PHACTR3: variants seen among roughly 807,000 people sequenced by gnomAD.
PHACTR3 encodes protein phosphatase 1, regulatory subunit 123.
In PHACTR3, 16 loss-of-function variants were observed where a neutral mutation model predicts 66.8. The ratio of observed to expected loss-of-function variants is 0.24; its 90% CI spans 0.16 to 0.36. The LOEUF is 0.36. Among genes scored for constraint, PHACTR3 ranks in the 10% least tolerant of loss-of-function variants. PHACTR3 has a pLI of 1.00. For missense variants in PHACTR3, 647 were observed against 719.9 expected (o/e 0.90, Z 1.16); for synonymous variants, 323 against 292.1 (o/e 1.11, Z -1.08).
chr20:59,694,650 T>C (rs1344398684), intron 1 of PHACTR3, among the ~76,000 whole-genome samples: 3 of 152,176 alleles, frequency 2.0e-5, no homozygotes, highest in African/African-American at 4.8e-5. Context: ...CTGAACCTCA[T>C]TGACTGCATC....
intron 7 of PHACTR3, among the ~76,000 whole-genome samples, chr20:59,777,568 A>G (rs890221526): frequency 6.6e-6 from 1 of 152,108 alleles, no homozygotes; most frequent in African/African-American, 2.4e-5. Flanking sequence ...TTGTCAGACG[A>G]AGGCCCTCAT....
chr20:59,604,200 C>T (rs1470351614), upstream of PHACTR3, among the ~76,000 whole-genome samples: 1 of 152,130 alleles, frequency 6.6e-6, no homozygotes, highest in Non-Finnish European at 1.5e-5. Context: ...GCGTCGGGAC[C>T]CACTGGCCTC....
intron 7 of PHACTR3, among the ~76,000 whole-genome samples, chr20:59,775,241 C>T (rs1054002842): frequency 2.0e-5 from 3 of 152,088 alleles, no homozygotes; most frequent in African/African-American, 7.2e-5. Flanking sequence ...CTGTGCGGGG[C>T]CCTCTGATTA....
intron 1 of PHACTR3, chr20:59,628,097 C>G (rs1014696118): frequency 6.6e-6 from 1 of 152,220 alleles, no homozygotes; most frequent in Non-Finnish European, 1.5e-5. Context: ...AACTCACCAA[C>G]CTCTTAAGGC....
chr20:59,804,970 A>T (rs1284147335), intron 7 of PHACTR3, among the ~76,000 whole-genome samples: 1 of 152,178 alleles, frequency 6.6e-6, no homozygotes, highest in Admixed American at 6.5e-5. Context: ...CAGGAATTAA[A>T]TCCCGGCCCA....
intron 1 of PHACTR3, chr20:59,676,633 G>A: frequency 2.1e-6 from 2 of 938,682 alleles, no homozygotes; most frequent in Non-Finnish European, 2.5e-6. Context: ...GAGAGTGCCA[G>A]GGCTGTGAGG....
intron 1 of PHACTR3, among the ~76,000 whole-genome samples, chr20:59,706,012 A>G (rs1183863215): frequency 6.6e-6 from 1 of 152,222 alleles, no homozygotes; most frequent in African/African-American, 2.4e-5. Context: ...ACCACCTTCC[A>G]AAGCACCAAT....
intron 8 of PHACTR3, among the ~76,000 whole-genome samples, chr20:59,815,118 T>C (rs1212026920): frequency 1.3e-5 from 2 of 152,160 alleles, no homozygotes; most frequent in African/African-American, 4.8e-5. Flanking sequence ...TTCTTGTTAA[T>C]GAACAGTCTT....
intron 1 of PHACTR3, among the ~76,000 whole-genome samples, chr20:59,597,122 C>G (rs565216759): frequency 7.2e-5 from 11 of 152,302 alleles, no homozygotes; most frequent in African/African-American, 2.2e-4. Context: ...TGAGCTGGAG[C>G]TGGTATTATG....
At chr20:59,667,556 T>G (rs2036035576) in intron 1 of PHACTR3, among the ~76,000 whole-genome samples, 1 of 152,268 alleles carries the variant, frequency 6.6e-6, no homozygotes, top group Admixed American at 6.5e-5. Context: ...CCTCGCCATG[T>G]AAATTCAGCT....
chr20:59,581,989 A>AC (rs1350528813), intron 1 of PHACTR3, among the ~76,000 whole-genome samples: 2 of 152,218 alleles, frequency 1.3e-5, no homozygotes, highest in Non-Finnish European at 2.9e-5. Flanking sequence ...CTGGAAAAAA[A>AC]ATTACTCACT....
In PHACTR3 at chr20:59,747,848, C is replaced by T. The variant is rs200299798; in HGVS notation, c.358+13C>T. On this transcript the variant is annotated intron_variant, in intron 3 of 12. Transcript: ENST00000371015. ...ATGATGGAGCAGGGTAAGTGGGACC[C>T]GTCCCTGGCTTGGAAGGGCACGGTG... The T allele has an allele frequency of 5.1e-5, 83 of 1,612,690 alleles. 1 individual carries two copies. Among genetic ancestry groups the T allele is most frequent in the South Asian group, 2.9e-4 (26 of 90,992 alleles).
intron 8 of PHACTR3, among the ~76,000 whole-genome samples, chr20:59,827,386 C>T (rs1354894367): frequency 1.3e-5 from 2 of 152,182 alleles, no homozygotes; most frequent in Non-Finnish European, 2.9e-5. Flanking sequence ...GGGGCACTAA[C>T]CCAACCCTGG....
chr20:59,781,378 C>A (rs1368418640), intron 7 of PHACTR3, among the ~76,000 whole-genome samples: 1 of 152,194 alleles, frequency 6.6e-6, no homozygotes, highest in African/African-American at 2.4e-5. Flanking sequence ...GGTTGGGTAA[C>A]CCACGGCGCC....
intron 4 of PHACTR3, among the ~76,000 whole-genome samples, chr20:59,756,189 C>T (rs1275277669): frequency 6.6e-6 from 1 of 152,206 alleles, no homozygotes; most frequent in South Asian, 2.1e-4. Flanking sequence ...TCACCAGCTC[C>T]TCCTCCTCCT....
At chr20:59,821,994 C>T (rs1298158724) in intron 8 of PHACTR3, among the ~76,000 whole-genome samples, 5 of 146,292 alleles carry the variant, frequency 3.4e-5, no homozygotes, top group African/African-American at 1.3e-4. Context: ...CCACCCCTTC[C>T]CCAGCAATCC....
chr20:59,605,886 G>C lies in PHACTR3; in HGVS notation c.118+754G>C, dbSNP rs545895276. On this transcript the variant is annotated intron_variant, in intron 1 of 12. Transcript: ENST00000371015. ...GGGGGGGGGTGGGCTGTGTGCGCCT[G>C]TCACCATGGAGACGCAGGAAGCAAA... 2.9e-3 allele frequency among the ~76,000 whole-genome samples: 430 copies of C among 150,112 alleles called. 2 individuals carry two copies. The highest frequency in any genetic ancestry group is 0.01 in the African/African-American group (407 of 40,612).
chr20:59,781,555 A>C (rs1019710602), intron 7 of PHACTR3, among the ~76,000 whole-genome samples: 98 of 152,206 alleles, frequency 6.4e-4, no homozygotes, highest in African/African-American at 2.2e-3. Context: ...GTGTGGGCAC[A>C]TGGCGCTCAC....
intron 1 of PHACTR3, among the ~76,000 whole-genome samples, chr20:59,587,611 A>G (rs1300800067): frequency 6.6e-6 from 1 of 152,220 alleles, no homozygotes; most frequent in Non-Finnish European, 1.5e-5. Flanking sequence ...GGGTCTCAGC[A>G]GCGCTGTGCT....
Sources: gnomAD v4.1 joint callset for allele counts (sites outside exome capture counted in the v4.1 genomes callset) on GRCh38, gnomAD v4.1.1 for gene constraint, MANE v1.5 for transcripts, NCBI Gene and HGNC (gene_info 2026-07-23, HGNC 2026-07-21) for gene names.